IFIT1: variants seen among roughly 807,000 people sequenced by gnomAD.
The protein encoded by IFIT1 is antiviral innate immune response effector IFIT1.
In IFIT1, 1 loss-of-function variant was observed where a neutral mutation model predicts 2.5. That is an observed-to-expected ratio of 0.40 (90% CI 0.14 to 1.92). The LOEUF (loss-of-function observed/expected upper bound fraction) is 1.92. Ranked by LOEUF, IFIT1 falls within the 40% of genes most tolerant of loss-of-function variation. The pLI is 0.31. For missense variants in IFIT1, 508 were observed against 557.8 expected (o/e 0.91, Z 0.90); for synonymous variants, 191 against 201.7 (o/e 0.95, Z 0.45).
At chr10:89,393,214 C>T (rs1488603078) in intron 1 of IFIT1, 9 of 1,289,918 alleles carry the variant, frequency 7.0e-6, no homozygotes, top group Middle Eastern at 2.1e-4. Flanking sequence ...GTAGGAAAAG[C>T]TCACAGCCTT....
chr10:89,403,527 A>C lies in IFIT1; in HGVS notation c.1252A>C (p.Ser418Arg), dbSNP rs770923139. ...IEQASLTRDKSINSLKKLVLR... is the reference protein window; with the variant it reads ...IEQASLTRDKRINSLKKLVLR... ...ACAGGCATCATTAACAAGGGATAAA[A>C]GTATCAATTCTTTGAAGAAATTGGT... is the stretch of plus-strand genomic sequence containing the variant. Residue 418 changes from serine to arginine, a missense_variant, in exon 2 of 2, where the codon AGT becomes CGT. Transcript: ENST00000371804. The C allele has an allele frequency of 1.5e-5, 24 of 1,613,816 alleles. No homozygotes were observed. The highest frequency in any genetic ancestry group is 1.9e-5 in the Non-Finnish European group (23 of 1,179,896).
In IFIT1 at chr10:89,402,545, A is replaced by C; in HGVS notation, c.270A>C (p.Ala90=). 6.2e-7 allele frequency: 1 copy of C among 1,614,112 alleles called. No individual in the cohort carries two copies. Among genetic ancestry groups the C allele is most frequent in the East Asian group, 2.2e-5 (1 of 44,880 alleles). Residue 90 remains alanine (A), a synonymous_variant, in exon 2 of 2, where the codon GCA becomes GCC. Coordinates refer to ENST00000371804, the MANE Select transcript of IFIT1 (RefSeq NM_001548.5). ...TGCAGGAAGAACATGACAACCAAGC[A>C]AATGTGAGGAGTCTGGTGACCTGGG... is the stretch of plus-strand genomic sequence containing the variant. ...NLMQEEHDNQ[A]NVRSLVTWGN...
Position 89,402,727 on chromosome 10 carries a change from A to G in IFIT1, c.452A>G (p.Lys151Arg). 6.2e-7 allele frequency: 1 copy of G among 1,614,216 alleles called. No homozygotes were observed. Among genetic ancestry groups the G allele is most frequent in the Non-Finnish European group, 8.5e-7 (1 of 1,180,030 alleles). Residue 151 changes from lysine to arginine, a missense_variant, in exon 2 of 2, where the codon AAG becomes AGG. Lys to Arg is a conservative substitution (Grantham distance 26, BLOSUM62 2). Transcript: ENST00000371804. ...TGTGAGGAAGGATGGGCCTTGCTGA[A>G]GTGTGGAGGAAAAAATTATGAACGG... Reference protein sequence around the residue: ...IDCEEGWALLKCGGKNYERAK... With the variant: ...IDCEEGWALLRCGGKNYERAK...
rs1435401804 is a variant in IFIT1, at chr10:89,402,511, A to T, written c.236A>T (p.Glu79Val). The T allele has an allele frequency of 1.9e-6, 3 of 1,614,104 alleles. No homozygotes were observed. The Admixed American group carries it at 5.0e-5, about 27-fold the overall frequency. ...GCCCTGAAGAGCTTAAAAGAAGCTG[A>T]AAACTTAATGCAGGAAGAACATGAC... ...EEALKSLKEA[E>V]NLMQEEHDNQ... is the part of the protein sequence containing the mutation. The change falls in exon 2 of 2, where the codon GAA (glutamate) becomes GTA (valine). Residue 79 changes from glutamate (E) to valine (V), a missense_variant. Physicochemically the swap from Glu to Val is moderately radical, Grantham distance 121. Coordinates refer to ENST00000371804, the MANE Select transcript of IFIT1 (RefSeq NM_001548.5).
chr10:89,393,456 G>A (rs918453480), intron 1 of IFIT1: 2 of 462,962 alleles, frequency 4.3e-6, no homozygotes, highest in Non-Finnish European at 7.0e-6. Flanking sequence ...ACTTAGGCCG[G>A]GCAAGGGGGC....
Position 89,403,458 on chromosome 10 carries a change from G to C in IFIT1, c.1183G>C (p.Asp395His). 6.2e-7 allele frequency: 1 copy of C among 1,613,614 alleles called. No individual in the cohort carries two copies. The highest frequency in any genetic ancestry group is 8.5e-7 in the Non-Finnish European group (1 of 1,179,764). Residue 395 changes from aspartate to histidine, a missense_variant, in exon 2 of 2, where the codon GAC becomes CAC. Coordinates refer to ENST00000371804, the MANE Select transcript of IFIT1 (RefSeq NM_001548.5). Reference protein sequence around the residue: ...GRFQEFQKKSDVNAIIHYLKA... With the variant: ...GRFQEFQKKSHVNAIIHYLKA... ...GTTTCAGGAATTTCAAAAGAAATCT[G>C]ACGTCAATGCAATTATCCATTATTT...
Position 89,402,758 on chromosome 10 carries a change from G to A in IFIT1, c.483G>A (p.Lys161=). 1 of 1,614,216 alleles carries A rather than the reference G, an allele frequency of 6.2e-7. No homozygotes were observed. Among genetic ancestry groups the A allele is most frequent in the Non-Finnish European group, 8.5e-7 (1 of 1,180,044 alleles). ...KCGGKNYERA[K]ACFEKVLEVD... is the part of the protein sequence containing the mutation. ...GAGGAAAAAATTATGAACGGGCCAAGGCCTGCTTTGAAAAGGTGCTTGAAG... is the reference window on the plus strand; with the variant it reads ...GAGGAAAAAATTATGAACGGGCCAAAGCCTGCTTTGAAAAGGTGCTTGAAG... The change falls in exon 2 of 2, where the codon AAG becomes AAA. Residue 161 remains lysine, a synonymous_variant. Transcript: ENST00000371804.
chr10:89,397,952 G>C (rs1216732796), intron 1 of IFIT1, among the ~76,000 whole-genome samples: 2 of 152,100 alleles, frequency 1.3e-5, no homozygotes, highest in Non-Finnish European at 2.9e-5. Context: ...CCATTTTTAA[G>C]TGTACAGTTC....
intron 1 of IFIT1, chr10:89,393,259 C>T: frequency 7.8e-7 from 1 of 1,289,786 alleles, no homozygotes; most frequent in Non-Finnish European, 1.0e-6. Context: ...TTCTGCACTG[C>T]TGGCCTCTTA....
Position 89,403,293 on chromosome 10 carries a change from G to C in IFIT1, c.1018G>C (p.Glu340Gln). The C allele has an allele frequency of 6.2e-7, 1 of 1,614,134 alleles. No homozygotes were observed. The highest frequency in any genetic ancestry group is 8.5e-7 in the Non-Finnish European group (1 of 1,180,034). The change falls in exon 2 of 2, where the codon GAG becomes CAG. Residue 340 changes from glutamate to glutamine, a missense_variant. Coordinates refer to ENST00000371804, the MANE Select transcript of IFIT1 (RefSeq NM_001548.5). ...TGCAGTGGAAAAAAAGCCCACATTT[G>C]AGGTGGCTCATCTAGACCTGGCAAG... Reference protein sequence around the residue: ...ESAVEKKPTFEVAHLDLARMY... With the variant: ...ESAVEKKPTFQVAHLDLARMY...
At chr10:89,393,347 T>C (rs1157698565) in intron 1 of IFIT1, 1 of 1,235,038 alleles carries the variant, frequency 8.1e-7, no homozygotes, top group Non-Finnish European at 1.1e-6. Flanking sequence ...TCTTGGTACG[T>C]CCTTGACTGA....
In IFIT1 at chr10:89,395,671, C is replaced by T. The variant is rs147459607; in HGVS notation, c.5+2954C>T. ...AGGGGACACCTAGACATAGATCAGA[C>T]GCTTAGGCATTAGGCTGTTCATCAA... On this transcript the variant is annotated intron_variant, in intron 1 of 1. Transcript: ENST00000371804. 3.7e-4 allele frequency among the ~76,000 whole-genome samples: 56 copies of T among 152,216 alleles called. 1 individual carries two copies. Among genetic ancestry groups the T allele is most frequent in the African/African-American group, 1.1e-3 (44 of 41,538 alleles).
intron 1 of IFIT1, among the ~76,000 whole-genome samples, chr10:89,399,051 A>T (rs879904352): frequency 3.4e-4 from 49 of 143,832 alleles, no homozygotes; most frequent in East Asian, 6.4e-4. Context: ...CTTTTTTTTT[A>T]AAATAATAGC....
chr10:89,393,071 G>C (rs1371871989), intron 1 of IFIT1: 2 of 1,147,248 alleles, frequency 1.7e-6, no homozygotes, highest in African/African-American at 1.6e-5. Flanking sequence ...GGAAGGAATG[G>C]ACAGCTTGTC....
intron 1 of IFIT1, 63 bp downstream of exon 1, chr10:89,392,780 A>G (rs1293847908): frequency 6.5e-7 from 1 of 1,531,066 alleles, no homozygotes; most frequent in African/African-American, 1.4e-5. Flanking sequence ...GTAATTAAAT[A>G]CTATTTCAAC....
At position 89,402,689 on chromosome 10, in the gene IFIT1, T is replaced by C. The variant is rs1198911879; in HGVS notation, c.414T>C (p.Cys138=). ...LSNPFRYRME[C]PEIDCEEGWA... ...ATCCCTTCCGCTATAGAATGGAGTG[T>C]CCAGAAATAGACTGTGAGGAAGGAT... Residue 138 remains cysteine, a synonymous_variant, in exon 2 of 2, where the codon TGT becomes TGC. Transcript: ENST00000371804. 2 of 1,614,058 alleles carry C rather than the reference T, an allele frequency of 1.2e-6. No individual in the cohort carries two copies. Among genetic ancestry groups the C allele is most frequent in the Non-Finnish European group, 1.7e-6 (2 of 1,180,020 alleles).
Position 89,403,099 on chromosome 10 carries a change from A to G in IFIT1, c.824A>G (p.Lys275Arg). ...GSVDKALELL[K>R]KALQETPTSV... is the part of the protein sequence containing the mutation. Reference sequence around the variant, plus strand: ...GTGGATAAAGCTCTTGAGTTATTAAAAAAGGCCTTGCAGGAAACACCCACT... The same window carrying G: ...GTGGATAAAGCTCTTGAGTTATTAAGAAAGGCCTTGCAGGAAACACCCACT... The change falls in exon 2 of 2, where the codon AAA becomes AGA. Residue 275 changes from lysine to arginine, a missense_variant. Transcript: ENST00000371804. The G allele has an allele frequency of 6.2e-7, 1 of 1,614,236 alleles. No homozygotes were observed.
rs2038403369 is a variant in IFIT1, at chr10:89,393,329, A to T, written c.5+612A>T. ...AAACAGATTGCCTCCTCCCTGGAAA[A>T]TCTAGGCTCTTGGTACGTCCTTGAC... On this transcript the variant is annotated intron_variant, in intron 1 of 1. Transcript: ENST00000371804. The T allele has an allele frequency of 2.0e-5, 26 of 1,282,728 alleles. 1 individual carries two copies. In the South Asian group the frequency reaches 3.2e-4, roughly 16 times the overall value. The allele number at this position is 1,282,728 out of a possible 1,614,324, so 79.5% of individuals were successfully genotyped here.
At chr10:89,396,909 A>G (rs1400182804) in intron 1 of IFIT1, among the ~76,000 whole-genome samples, 4 of 152,170 alleles carry the variant, frequency 2.6e-5, no homozygotes, top group African/African-American at 9.7e-5. Context: ...TCCTTTGCCC[A>G]TTTTTAAATT....
Sources: gnomAD v4.1 joint callset for allele counts (sites outside exome capture counted in the v4.1 genomes callset) on GRCh38, gnomAD v4.1.1 for gene constraint, MANE v1.5 for transcripts, NCBI Gene and HGNC (gene_info 2026-07-23, HGNC 2026-07-21) for gene names.